Variants in DGKH observed in about 807,000 individuals in gnomAD.
The protein encoded by DGKH is diacylglycerol kinase eta, also known as DAG kinase eta.
DGKH carries 90 observed loss-of-function variants against 159.3 expected under a neutral mutation model. That is an observed-to-expected ratio of 0.57 (90% CI 0.48 to 0.67). DGKH has a LOEUF of 0.67. DGKH is among the 30% of genes least tolerant of loss of function. The pLI is 0.00. For synonymous variants in DGKH, 536 were observed against 553.8 expected (o/e 0.97, Z 0.45); for missense variants, 1,181 against 1,506.1 (o/e 0.78, Z 3.57).
At chr13:42,097,999 CT>C (rs1370652870) in intron 1 of DGKH, among the ~76,000 whole-genome samples, 1 of 152,142 alleles carries the variant, frequency 6.6e-6, no homozygotes, top group African/African-American at 2.4e-5. Context: ...CATCCATCTG[CT>C]TTATATCTTA....
intron 1 of DGKH, among the ~76,000 whole-genome samples, chr13:42,078,781 A>ACAAAAATAC (rs1348672082): frequency 2.0e-5 from 3 of 152,222 alleles, no homozygotes; most frequent in Admixed American, 6.5e-5. Context: ...AGACAGATAG[A>ACAAAAATAC]CAAAAATACC....
intron 3 of DGKH, among the ~76,000 whole-genome samples, chr13:42,151,521 ATATACAC>A (rs1566134533): frequency 1.3e-4 from 14 of 108,004 alleles, no homozygotes; most frequent in African/African-American, 4.1e-4. Context: ...ACATGTATAT[ATATACAC>A]GTGTATATAT....
Position 42,160,082 on chromosome 13 carries a change from A to G in DGKH, c.801A>G (p.Thr267=). 6.2e-7 allele frequency: 1 copy of G among 1,614,206 alleles called. No homozygotes were observed. The highest frequency in any genetic ancestry group is 8.5e-7 in the Non-Finnish European group (1 of 1,180,032). ...VSAKCAVCDK[T]CGSVLRLQDW... ...CCAAGTGTGCTGTCTGCGACAAAAC[A>G]TGTGGCAGTGTTCTCCGTCTACAGG... Residue 267 remains threonine, a synonymous_variant, in exon 7 of 30, where the codon ACA becomes ACG. Coordinates refer to ENST00000337343, the MANE Select transcript of DGKH (RefSeq NM_178009.5).
chr13:42,047,352 T>C (rs1880857216), upstream of DGKH, among the ~76,000 whole-genome samples: 1 of 152,122 alleles, frequency 6.6e-6, no homozygotes, highest in Non-Finnish European at 1.5e-5. Flanking sequence ...AGAACCTTAG[T>C]TTGGAGGAAC....
In DGKH at chr13:42,239,767, A is replaced by G. The variant is rs1326414118; in HGVS notation, c.*10579A>G. Reference sequence around the variant, plus strand: ...AAGTAGGCTCTTTTTTCTCTAAATTACAGAATAGCAAACTAACTCCTAAGC... The same window carrying G: ...AAGTAGGCTCTTTTTTCTCTAAATTGCAGAATAGCAAACTAACTCCTAAGC... On this transcript the variant is annotated 3_prime_UTR_variant, in exon 30 of 30. Transcript: ENST00000337343. 2 of 152,498 alleles carry G rather than the reference A, an allele frequency of 1.3e-5. No individual in the cohort carries two copies. Among genetic ancestry groups the G allele is most frequent in the Non-Finnish European group, 2.9e-5 (2 of 68,022 alleles). The allele number at this position is 152,498 out of a possible 1,614,324, so 9.4% of individuals were successfully genotyped here.
intron 5 of DGKH, among the ~76,000 whole-genome samples, chr13:42,156,096 A>G (rs923997589): frequency 2.0e-5 from 3 of 151,976 alleles, no homozygotes; most frequent in African/African-American, 7.2e-5. Flanking sequence ...TTGTGAGGAC[A>G]GTATATACTC....
chr13:42,095,625 A>G (rs1283046592), intron 1 of DGKH, among the ~76,000 whole-genome samples: 1 of 152,240 alleles, frequency 6.6e-6, no homozygotes, highest in Non-Finnish European at 1.5e-5. Flanking sequence ...TCCTTCAAAG[A>G]AAAGCAAAGG....
intron 7 of DGKH, among the ~76,000 whole-genome samples, chr13:42,163,903 C>T (rs1007200162): frequency 5.3e-5 from 8 of 152,116 alleles, no homozygotes; most frequent in Non-Finnish European, 8.8e-5. Context: ...TTTGTTGCCA[C>T]TGCTTTTGGT....
rs1423557955 is a variant in DGKH at position 42,237,309 on chromosome 13, A to G, written c.*8121A>G. ...TGTATTGTGTACTGTTTAAGAACTC[A>G]TAGGAGACTAATAATTAATTTACTA... On this transcript the variant is annotated 3_prime_UTR_variant, in exon 30 of 30. Coordinates refer to ENST00000337343, the MANE Select transcript of DGKH (RefSeq NM_178009.5). The G allele has an allele frequency of 6.6e-6, 1 of 152,244 alleles. No individual in the cohort carries two copies. Among genetic ancestry groups the G allele is most frequent in the African/African-American group, 2.4e-5 (1 of 41,464 alleles). The allele number at this position is 152,244 out of a possible 1,614,324, so 9.4% of individuals were successfully genotyped here.
upstream of DGKH, among the ~76,000 whole-genome samples, chr13:42,045,518 A>G (rs1002511267): frequency 3.9e-5 from 6 of 152,244 alleles, no homozygotes; most frequent in Admixed American, 2.6e-4. Context: ...CCATATGTAT[A>G]TGCAGTTAAT....
chr13:42,240,565 G>A lies in DGKH; in HGVS notation c.*11377G>A, dbSNP rs916847083. The A allele has an allele frequency of 6.6e-6, 1 of 152,170 alleles. No individual in the cohort carries two copies. The highest frequency in any genetic ancestry group is 2.4e-5 in the African/African-American group (1 of 41,440). The allele number at this position is 152,170 out of a possible 1,614,324, so 9.4% of individuals were successfully genotyped here. On this transcript the variant is annotated 3_prime_UTR_variant, in exon 30 of 30. Transcript: ENST00000337343. ...TTCAGAAAGAATCAAAAGCAATAGT[G>A]ATGGTGGAATTTTTAAATAATATTC...
chr13:42,180,543 C>T (rs921773091), intron 13 of DGKH, among the ~76,000 whole-genome samples: 2 of 152,196 alleles, frequency 1.3e-5, no homozygotes, highest in African/African-American at 4.8e-5. Flanking sequence ...ATGGTAGCAT[C>T]ACCTCACGTT....
intron 27 of DGKH, 147 bp downstream of exon 27, chr13:42,219,496 A>AT (rs1957909994): frequency 1.5e-6 from 2 of 1,344,432 alleles, no homozygotes; most frequent in Non-Finnish European, 2.0e-6. Flanking sequence ...GAGAAAAGGC[A>AT]TTTATGTGAA....
chr13:42,098,662 G>A (rs1394953733), intron 1 of DGKH, among the ~76,000 whole-genome samples: 2 of 152,008 alleles, frequency 1.3e-5, no homozygotes, highest in Non-Finnish European at 2.9e-5. Context: ...TGGTCTCTTT[G>A]TGATCTAAAT....
At position 42,048,805 on chromosome 13, in the gene DGKH, C is replaced by A; in HGVS notation, c.32C>A (p.Pro11Gln). Residue 11 changes from proline to glutamine, a missense_variant, in exon 1 of 30, where the codon CCG becomes CAG. This residue lies in a region of DGKH where 136 missense variants were observed against 132.2 expected (regional missense o/e 1.03). Coordinates refer to ENST00000337343, the MANE Select transcript of DGKH (RefSeq NM_178009.5). This position sits in a 1 kb window ranked among gnomAD's most constrained non-coding sequence, Gnocchi z 6.7. MAGAGGQHHP[P>Q]GAAGGAAAGA... is the part of the protein sequence containing the mutation. Reference sequence around the variant, plus strand: ...GGGGCCGGAGGCCAGCACCACCCTCCGGGCGCCGCTGGAGGAGCGGCCGCC... The same window carrying A: ...GGGGCCGGAGGCCAGCACCACCCTCAGGGCGCCGCTGGAGGAGCGGCCGCC... The A allele has an allele frequency of 7.6e-7, 1 of 1,321,048 alleles. No individual in the cohort carries two copies. Among genetic ancestry groups the A allele is most frequent in the Non-Finnish European group, 9.7e-7 (1 of 1,031,364 alleles). The allele number at this position is 1,321,048 out of a possible 1,614,324, so 81.8% of individuals were successfully genotyped here. A position where few individuals can be genotyped will look rare whatever the true frequency, so the allele number is the denominator to read the frequency against.
At chr13:42,118,488 C>T (rs748321213) in intron 1 of DGKH, among the ~76,000 whole-genome samples, 4 of 152,084 alleles carry the variant, frequency 2.6e-5, no homozygotes, top group Non-Finnish European at 5.9e-5. Context: ...TCTTAAAGGC[C>T]GCGACCTGGT....
chr13:42,111,815 G>T (rs1283788551), intron 1 of DGKH, among the ~76,000 whole-genome samples: 2 of 152,178 alleles, frequency 1.3e-5, no homozygotes, highest in African/African-American at 4.8e-5. Context: ...CCACTTCTCA[G>T]GTTTGCACAG....
intron 1 of DGKH, among the ~76,000 whole-genome samples, chr13:42,087,699 T>C (rs1470421508): frequency 6.6e-6 from 1 of 151,216 alleles, no homozygotes; most frequent in Admixed American, 6.6e-5. Flanking sequence ...GACACAGAAT[T>C]TAAAAATACA....
intron 1 of DGKH, among the ~76,000 whole-genome samples, chr13:42,084,717 T>C (rs536428184): frequency 6.6e-6 from 1 of 152,248 alleles, no homozygotes; most frequent in South Asian, 2.1e-4. Flanking sequence ...CTTTTTTTTT[T>C]CCAGGCTAGT....
Sources: gnomAD v4.1 joint callset for allele counts (sites outside exome capture counted in the v4.1 genomes callset) on GRCh38, gnomAD v4.1.1 for gene constraint, gnomAD v4.1.1 regional missense constraint, Gnocchi (gnomAD v3.1) non-coding constraint, MANE v1.5 for transcripts, NCBI Gene and HGNC (gene_info 2026-07-23, HGNC 2026-07-21) for gene names.